KLF12: variants seen among roughly 807,000 people sequenced by gnomAD.
KLF12 encodes the protein KLF transcription factor 12, also known as Krueppel-like factor 12.
A neutral mutation model predicts 37.8 loss-of-function variants in KLF12; 9 were observed. That is an observed-to-expected ratio of 0.24 (90% CI 0.14 to 0.42). The LOEUF (loss-of-function observed/expected upper bound fraction) is 0.42. KLF12 is among the 10% of genes least tolerant of loss of function. The pLI, the probability that KLF12 is intolerant of heterozygous loss-of-function variation, is 1.00. For missense variants in KLF12, 411 were observed against 516.0 expected, an observed-to-expected ratio of 0.80 and a Z score of 1.97; for synonymous variants, 208 against 202.1, an observed-to-expected ratio of 1.03 and a Z score of -0.25.
upstream of KLF12, among the ~76,000 whole-genome samples, chr13:74,136,170 G>T (rs1878547135): frequency 6.6e-6 from 1 of 152,182 alleles, no homozygotes; most frequent in South Asian, 2.1e-4. Context: ...AGTAGCCTCA[G>T]CGGCGGGAGC....
At chr13:74,090,908 T>C (rs1302018156) in intron 1 of KLF12, among the ~76,000 whole-genome samples, 1 of 145,856 alleles carries the variant, frequency 6.9e-6, no homozygotes, top group African/African-American at 2.6e-5. Context: ...TTGCAAGAGA[T>C]CCAGAATAGC....
chr13:74,262,463 TG>T, the KLF12 span, among the ~76,000 whole-genome samples: 1 of 152,222 alleles, frequency 6.6e-6, no homozygotes, highest in Non-Finnish European at 1.5e-5. Flanking sequence ...TACCAAAATC[TG>T]AGGATGCTCA....
At chr13:74,144,591 A>G in the KLF12 span, among the ~76,000 whole-genome samples, 1 of 152,210 alleles carries the variant, frequency 6.6e-6, no homozygotes, top group Non-Finnish European at 1.5e-5. Context: ...GGGAAAATAT[A>G]TGTATGGCTG....
intron 1 of KLF12, among the ~76,000 whole-genome samples, chr13:74,100,360 G>A (rs1001982952): frequency 6.6e-6 from 1 of 152,142 alleles, no homozygotes; most frequent in African/African-American, 2.4e-5. Flanking sequence ...TTTCATGCCT[G>A]TAATCCTAGC....
rs150221389 is a variant in KLF12, at chr13:73,999,159, C to T, written c.-31-4106G>A. Reference sequence around the variant, plus strand: ...ACTTTCCATTTCAGGTACACATTTTCAAGTAAAGTCCACACATGAAACACA... The same window carrying T: ...ACTTTCCATTTCAGGTACACATTTTTAAGTAAAGTCCACACATGAAACACA... On this transcript the variant is annotated intron_variant, in intron 1 of 7. Coordinates refer to ENST00000377669, the MANE Select transcript of KLF12 (RefSeq NM_007249.5). Among the ~76,000 whole-genome samples the T allele has an allele frequency of 2.5e-3, 383 of 152,280 alleles. 2 individuals carry two copies. Among genetic ancestry groups the T allele is most frequent in the African/African-American group, 8.8e-3 (364 of 41,556 alleles).
At chr13:74,180,874 A>G in the KLF12 span, among the ~76,000 whole-genome samples, 6 of 152,212 alleles carry the variant, frequency 3.9e-5, no homozygotes, top group Non-Finnish European at 8.8e-5. Flanking sequence ...GACATTCACA[A>G]CCTAAAGGAT....
chr13:73,940,031 T>C (rs1446023207), intron 3 of KLF12, among the ~76,000 whole-genome samples: 1 of 152,170 alleles, frequency 6.6e-6, no homozygotes, highest in Non-Finnish European at 1.5e-5. Context: ...CTTCCCAATG[T>C]CATTCCAGCT....
At position 74,008,445 on chromosome 13, in the gene KLF12, T is replaced by C. The variant is rs1398130660; in HGVS notation, c.-31-13392A>G. Among the ~76,000 whole-genome samples, 4 of 152,362 alleles carry C rather than the reference T, an allele frequency of 2.6e-5. No individual in the cohort carries two copies. In the East Asian group the frequency reaches 5.8e-4, roughly 22 times the overall value. Reference sequence around the variant, plus strand: ...CTTTTAATGCAAACAAGTTATACAATGCATTTTGTTTGGGGTTTCTGTTGT... The same window carrying C: ...CTTTTAATGCAAACAAGTTATACAACGCATTTTGTTTGGGGTTTCTGTTGT... On this transcript the variant is annotated intron_variant, in intron 1 of 7. Transcript: ENST00000377669.
chr13:73,914,317 C>A (rs1479568525), intron 3 of KLF12, among the ~76,000 whole-genome samples: 2 of 152,198 alleles, frequency 1.3e-5, no homozygotes, highest in African/African-American at 4.8e-5. Context: ...ACCCACTCGT[C>A]CCCTGGGACC....
chr13:74,165,381 G>A, the KLF12 span, among the ~76,000 whole-genome samples: 1 of 146,162 alleles, frequency 6.8e-6, no homozygotes, highest in Non-Finnish European at 1.5e-5. Context: ...ACTCACTGCA[G>A]CCTCACCTCC....
At chr13:73,700,869 G>T (rs886677829) in intron 7 of KLF12, among the ~76,000 whole-genome samples, 3 of 152,132 alleles carry the variant, frequency 2.0e-5, no homozygotes, top group Non-Finnish European at 4.4e-5. Flanking sequence ...TTATGTTTGT[G>T]CTTTGAAGCA....
chr13:74,100,596 G>A (rs183343470), intron 1 of KLF12, among the ~76,000 whole-genome samples: 1 of 150,806 alleles, frequency 6.6e-6, no homozygotes, highest in African/African-American at 2.4e-5. Flanking sequence ...CAGCCAGGGT[G>A]ACAGAGCAAG....
rs766377177 is a variant in KLF12 at position 73,715,410 on chromosome 13, T to C, written c.985A>G (p.Thr329Ala). The change falls in exon 7 of 8, where the codon ACA becomes GCA. Residue 329 changes from threonine (T) to alanine (A), a missense_variant. Thr to Ala is a moderately conservative substitution (Grantham distance 58). Transcript: ENST00000377669. ...TGAGCCTTCAGGTGAGAACTTTTTG[T>C]GTACACTTTGTTGCATCCCTCAAAA... The C allele has an allele frequency of 6.2e-7, 1 of 1,614,100 alleles. No individual in the cohort carries two copies. The highest frequency in any genetic ancestry group is 8.5e-7 in the Non-Finnish European group (1 of 1,179,968).
At chr13:74,036,351 T>C (rs1893245504) in intron 1 of KLF12, among the ~76,000 whole-genome samples, 1 of 152,116 alleles carries the variant, frequency 6.6e-6, no homozygotes, top group Non-Finnish European at 1.5e-5. Context: ...AAATTGATTG[T>C]TAATAAACTG....
At chr13:73,939,960 C>T (rs1454628013) in intron 3 of KLF12, among the ~76,000 whole-genome samples, 1 of 152,154 alleles carries the variant, frequency 6.6e-6, no homozygotes, top group Non-Finnish European at 1.5e-5. Flanking sequence ...GGAGAGAAGC[C>T]CTCATCTCCA....
chr13:73,832,146 T>C (rs1007621388), intron 4 of KLF12, among the ~76,000 whole-genome samples: 1 of 152,222 alleles, frequency 6.6e-6, no homozygotes, highest in Admixed American at 6.5e-5. Context: ...ATGCAGTGTC[T>C]GTGTGGGAGG....
chr13:74,048,892 G>C (rs1408979228), intron 1 of KLF12, among the ~76,000 whole-genome samples: 1 of 152,162 alleles, frequency 6.6e-6, no homozygotes, highest in Non-Finnish European at 1.5e-5. Context: ...GAAATGATTT[G>C]GCAGACCCTG....
At chr13:74,040,302 C>T (rs1688267289) in intron 1 of KLF12, among the ~76,000 whole-genome samples, 1 of 152,178 alleles carries the variant, frequency 6.6e-6, no homozygotes, top group South Asian at 2.1e-4. Context: ...AGGATTCATG[C>T]CATCAAGGAG....
At chr13:74,293,197 C>T in the KLF12 span, among the ~76,000 whole-genome samples, 1 of 152,128 alleles carries the variant, frequency 6.6e-6, no homozygotes, top group East Asian at 1.9e-4. Flanking sequence ...GTATTCTTTA[C>T]CCAAAGGGTG....
Sources: allele counts gnomAD v4.1 joint callset (sites outside exome capture counted in the v4.1 genomes callset), GRCh38; gene constraint gnomAD v4.1.1; transcripts MANE v1.5; gene names NCBI Gene and HGNC (gene_info 2026-07-23, HGNC 2026-07-21).